Variants in CCDC73 observed in about 807,000 individuals in gnomAD.
CCDC73 encodes coiled-coil domain-containing protein 73.
A neutral mutation model predicts 116.5 loss-of-function variants in CCDC73; 95 were observed. The observed-to-expected ratio is 0.82, with a 90% CI of 0.69 to 0.97. The LOEUF (loss-of-function observed/expected upper bound fraction) is 0.97. Ranked by LOEUF, CCDC73 falls within the 50% of genes least tolerant of loss-of-function variation. The probability of loss-of-function intolerance (pLI) is 0.00; values close to 1 mark genes in which losing one functional copy is unlikely to be tolerated. For missense variants in CCDC73, 1,066 were observed against 1,206.8 expected (o/e 0.88, Z 1.73); for synonymous variants, 398 against 401.3 (o/e 0.99, Z 0.10).
At chr11:32,628,350 T>C (rs1018324972) in intron 14 of CCDC73, among the ~76,000 whole-genome samples, 4 of 152,184 alleles carry the variant, frequency 2.6e-5, no homozygotes, top group Non-Finnish European at 2.9e-5. Flanking sequence ...CTGGCTGTAA[T>C]TTGTGAGGCA....
the CCDC73 span, among the ~76,000 whole-genome samples, chr11:32,801,742 CGGT>C: frequency 3.3e-5 from 5 of 152,020 alleles, no homozygotes; most frequent in South Asian, 1.0e-3. Context: ...CTACAAAAAT[CGGT>C]GGTTCTATTT....
At chr11:32,694,736 TA>T (rs1856293075) in intron 6 of CCDC73, among the ~76,000 whole-genome samples, 1 of 152,022 alleles carries the variant, frequency 6.6e-6, no homozygotes, top group Non-Finnish European at 1.5e-5. Context: ...GACAACCTTT[TA>T]GTAGGAAAAA....
chr11:32,696,828 A>T (rs2133309924), intron 6 of CCDC73, among the ~76,000 whole-genome samples: 1 of 151,552 alleles, frequency 6.6e-6, no homozygotes, highest in East Asian at 1.9e-4. Flanking sequence ...GTTTCTGATC[A>T]CTACTTTTTT....
At chr11:32,682,315 A>G (rs1856152915) in intron 7 of CCDC73, 1 of 151,966 alleles carries the variant, frequency 6.6e-6, no homozygotes, top group African/African-American at 2.4e-5. Flanking sequence ...TGGTACTTAA[A>G]GCTAAACCAG....
intron 3 of CCDC73, among the ~76,000 whole-genome samples, chr11:32,710,467 T>C (rs1849889564): frequency 6.6e-6 from 1 of 152,206 alleles, no homozygotes; most frequent in Admixed American, 6.5e-5. Flanking sequence ...GAGCCGGCTA[T>C]TTAATTTCCA....
At chr11:32,607,037 C>G (rs1221294047) in intron 17 of CCDC73, among the ~76,000 whole-genome samples, 1 of 145,212 alleles carries the variant, frequency 6.9e-6, no homozygotes. Flanking sequence ...GGCCAAAGTG[C>G]TGGGATTACA....
intron 12 of CCDC73, among the ~76,000 whole-genome samples, chr11:32,651,022 CA>C (rs1238984842): frequency 6.6e-6 from 1 of 152,138 alleles, no homozygotes; most frequent in African/African-American, 2.4e-5. Context: ...ACTTACCAGG[CA>C]AACACAGACC....
chr11:32,674,225 A>G (rs1473433368), intron 9 of CCDC73, among the ~76,000 whole-genome samples: 2 of 152,212 alleles, frequency 1.3e-5, no homozygotes, highest in Non-Finnish European at 2.9e-5. Flanking sequence ...GTACTCAGTA[A>G]ATATTGTTTC....
intron 6 of CCDC73, among the ~76,000 whole-genome samples, chr11:32,692,064 A>C (rs1486516378): frequency 6.6e-6 from 1 of 151,404 alleles, no homozygotes. Flanking sequence ...AAAAAAAAAA[A>C]AAAAAAAGCC....
chr11:32,726,292 T>C (rs1850029232), intron 2 of CCDC73, among the ~76,000 whole-genome samples: 2 of 152,176 alleles, frequency 1.3e-5, no homozygotes, highest in African/African-American at 4.8e-5. Flanking sequence ...CTTTAAAATA[T>C]ATGTGATTAA....
At chr11:32,825,094 G>C in the CCDC73 span, among the ~76,000 whole-genome samples, 2 of 152,018 alleles carry the variant, frequency 1.3e-5, no homozygotes, top group Admixed American at 1.3e-4. Context: ...CCAGAAAAGC[G>C]AAACAAAACA....
intron 2 of CCDC73, among the ~76,000 whole-genome samples, chr11:32,741,634 A>G (rs1850187552): frequency 6.6e-6 from 1 of 151,196 alleles, no homozygotes; most frequent in Non-Finnish European, 1.5e-5. Flanking sequence ...TAATCTATTC[A>G]GCCACGCTAC....
In CCDC73 at chr11:32,752,168, G is replaced by C. The variant is rs111967413; in HGVS notation, c.135+7941C>G. ...AGAGTACTTACCAAGCCTCTGCTTA[G>C]TAACATGCTTGCTAATATTTCGTTG... On this transcript the variant is annotated intron_variant, in intron 2 of 17. Coordinates refer to ENST00000335185, the MANE Select transcript of CCDC73 (RefSeq NM_001008391.4). 2.6e-5 allele frequency among the ~76,000 whole-genome samples: 4 copies of C among 152,200 alleles called. No individual in the cohort carries two copies. The South Asian group carries it at 8.3e-4, about 32-fold the overall frequency.
At chr11:32,729,893 C>A (rs1850060533) in intron 2 of CCDC73, among the ~76,000 whole-genome samples, 1 of 152,196 alleles carries the variant, frequency 6.6e-6, no homozygotes, top group African/African-American at 2.4e-5. Flanking sequence ...TGCTGACATG[C>A]ACCCATCCAA....
chr11:32,823,435 T>C, the CCDC73 span, among the ~76,000 whole-genome samples: 16 of 151,766 alleles, frequency 1.1e-4, no homozygotes, highest in Admixed American at 1.0e-3. Flanking sequence ...GATTGTGCCA[T>C]TGCACTCCAG....
intron 15 of CCDC73, among the ~76,000 whole-genome samples, chr11:32,615,636 A>G (rs201904): frequency 0.73 from 110,932 of 152,044 alleles, 41,356 homozygotes; most frequent in African/African-American, 0.78. Context: ...GTTCAGCCTG[A>G]GTTTGAACAC....
chr11:32,661,404 A>C lies in CCDC73; in HGVS notation c.646-6432T>G, dbSNP rs192272702. ...CCATGGTGGTTTCCCGCACCCATTAACTCTTCATTTACATTAGGTGTATCT... is the reference window on the plus strand; with the variant it reads ...CCATGGTGGTTTCCCGCACCCATTACCTCTTCATTTACATTAGGTGTATCT... On this transcript the variant is annotated intron_variant, in intron 9 of 17. Transcript: ENST00000335185. 2.3e-4 allele frequency among the ~76,000 whole-genome samples: 35 copies of C among 150,808 alleles called. 1 individual carries two copies. In the East Asian group the frequency reaches 6.6e-3, roughly 29 times the overall value.
At chr11:32,657,684 G>T (rs879488892) in intron 9 of CCDC73, among the ~76,000 whole-genome samples, 2 of 152,040 alleles carry the variant, frequency 1.3e-5, no homozygotes, top group African/African-American at 4.8e-5. Context: ...TATTTTACCA[G>T]CTCCCTCCCT....
At chr11:32,630,765 A>G (rs1257037665) in intron 14 of CCDC73, among the ~76,000 whole-genome samples, 1 of 152,168 alleles carries the variant, frequency 6.6e-6, no homozygotes, top group Non-Finnish European at 1.5e-5. Context: ...TTACTACAGT[A>G]ACAAAATACA....
Sources: allele counts gnomAD v4.1 joint callset (sites outside exome capture counted in the v4.1 genomes callset), GRCh38; gene constraint gnomAD v4.1.1; transcripts MANE v1.5; gene names NCBI Gene and HGNC (gene_info 2026-07-23, HGNC 2026-07-21).